ANAPC10: variants seen among roughly 807,000 people sequenced by gnomAD.
ANAPC10 encodes anaphase-promoting complex subunit 10.
ANAPC10 carries 12 observed loss-of-function variants against 22.0 expected under a neutral mutation model. The observed-to-expected ratio is 0.55, with a 90% CI of 0.35 to 0.88. The LOEUF is 0.88. Among genes scored for constraint, ANAPC10 ranks in the 40% least tolerant of loss-of-function variants. The pLI is 0.01. For synonymous variants in ANAPC10, 65 were observed against 69.5 expected, an observed-to-expected ratio of 0.94 and a Z score of 0.32; for missense variants, 188 against 220.9, an observed-to-expected ratio of 0.85 and a Z score of 0.94.
intron 2 of ANAPC10, among the ~76,000 whole-genome samples, chr4:145,085,231 T>A (rs1032386329): frequency 6.6e-6 from 1 of 152,112 alleles, no homozygotes; most frequent in East Asian, 1.9e-4. Flanking sequence ...CACTCTAGCC[T>A]GGGCAACAGT....
At chr4:145,071,997 GACAAAAAAAAC>G (rs1185566041) in intron 3 of ANAPC10, among the ~76,000 whole-genome samples, 2 of 149,350 alleles carry the variant, frequency 1.3e-5, no homozygotes, top group African/African-American at 2.5e-5. Context: ...AATGTGAAAG[GACAAAAAAAAC>G]ACAAAAAAAA....
At chr4:145,032,335 A>C (rs939413968) in intron 4 of ANAPC10, among the ~76,000 whole-genome samples, 5 of 152,228 alleles carry the variant, frequency 3.3e-5, no homozygotes, top group African/African-American at 1.2e-4. Flanking sequence ...GTACAATTAT[A>C]CACTGATTCA....
intron 4 of ANAPC10, among the ~76,000 whole-genome samples, chr4:145,006,464 T>C (rs1306429584): frequency 6.6e-6 from 1 of 152,036 alleles, no homozygotes; most frequent in Non-Finnish European, 1.5e-5. Context: ...AATAAAAGAA[T>C]GTAGGGCAGT....
intron 4 of ANAPC10, among the ~76,000 whole-genome samples, chr4:145,049,211 A>G (rs1740743744): frequency 6.6e-6 from 1 of 152,236 alleles, no homozygotes; most frequent in Non-Finnish European, 1.5e-5. Flanking sequence ...TCTCACCTTA[A>G]TGATGACGGC....
chr4:145,088,852 A>G (rs1747267226), intron 2 of ANAPC10, among the ~76,000 whole-genome samples: 1 of 152,162 alleles, frequency 6.6e-6, no homozygotes, highest in African/African-American at 2.4e-5. Context: ...AATCTGTCCC[A>G]CCATGTCTAA....
intron 4 of ANAPC10, among the ~76,000 whole-genome samples, chr4:145,025,002 C>A (rs1263329010): frequency 1.3e-5 from 2 of 152,318 alleles, no homozygotes; most frequent in African/African-American, 4.8e-5. Context: ...TGCTGCTTCA[C>A]TGGGCTCTTT....
intron 4 of ANAPC10, among the ~76,000 whole-genome samples, chr4:145,052,884 T>C (rs1162287167): frequency 7.6e-6 from 1 of 131,870 alleles, no homozygotes; most frequent in Non-Finnish European, 1.7e-5. Flanking sequence ...CGAGACTCTG[T>C]CTCAAAAAAA....
chr4:145,008,539 A>C (rs1733783475), intron 4 of ANAPC10, among the ~76,000 whole-genome samples: 1 of 152,208 alleles, frequency 6.6e-6, no homozygotes, highest in Admixed American at 6.5e-5. Context: ...AACATATGCA[A>C]ATCAATAAAC....
chr4:145,007,074 C>T (rs978855472), intron 4 of ANAPC10, among the ~76,000 whole-genome samples: 2 of 152,130 alleles, frequency 1.3e-5, no homozygotes, highest in Non-Finnish European at 2.9e-5. Context: ...AGCTCCAGTG[C>T]ACAGGTCACA....
intron 4 of ANAPC10, among the ~76,000 whole-genome samples, chr4:145,007,419 C>A (rs912691765): frequency 6.6e-6 from 1 of 151,882 alleles, no homozygotes; most frequent in Non-Finnish European, 1.5e-5. Flanking sequence ...TGTAAAAGAA[C>A]AGAAATCACA....
rs1041828058 is a variant in ANAPC10 at position 144,995,202 on chromosome 4, A to C, written c.*171T>G. On this transcript the variant is annotated 3_prime_UTR_variant, in exon 5 of 5. Transcript: ENST00000507656. ...TGTGAGCTTTATTACATGTTAAAGA[A>C]AATAAAGATAATATGACCCCAAATT... 2.3e-6 allele frequency: 1 copy of C among 426,260 alleles called. No homozygotes were observed. The highest frequency in any genetic ancestry group is 2.0e-5 in the African/African-American group (1 of 49,126). 26.4% of individuals were successfully genotyped at this position (426,260 alleles called of 1,614,324 possible).
intron 4 of ANAPC10, among the ~76,000 whole-genome samples, chr4:145,005,168 AGTCTCCTGT>A (rs1210047774): frequency 6.6e-6 from 1 of 152,062 alleles, no homozygotes; most frequent in Non-Finnish European, 1.5e-5. Context: ...CTCCTACCTC[AGTCTCCTGT>A]GTAGCTGGGA....
chr4:145,016,376 T>A (rs993048699), intron 4 of ANAPC10, among the ~76,000 whole-genome samples: 4 of 152,002 alleles, frequency 2.6e-5, no homozygotes, highest in African/African-American at 9.7e-5. Flanking sequence ...CACAATTGCC[T>A]CAAAGACAAT....
intron 4 of ANAPC10, among the ~76,000 whole-genome samples, chr4:145,056,660 G>A (rs956215850): frequency 2.0e-5 from 3 of 152,148 alleles, no homozygotes; most frequent in African/African-American, 7.2e-5. Context: ...TGGGTAAGTG[G>A]TGGGGTCCTG....
chr4:145,043,460 A>T (rs1012480902), intron 4 of ANAPC10, among the ~76,000 whole-genome samples: 1 of 152,102 alleles, frequency 6.6e-6, no homozygotes, highest in African/African-American at 2.4e-5. Flanking sequence ...ACTAACCCTG[A>T]CAAGTGTGGA....
chr4:145,042,548 T>C (rs915650489), intron 4 of ANAPC10, among the ~76,000 whole-genome samples: 6 of 152,338 alleles, frequency 3.9e-5, no homozygotes, highest in East Asian at 1.9e-4. Context: ...CATTATTTTA[T>C]AGTATATAAA....
intron 3 of ANAPC10, among the ~76,000 whole-genome samples, chr4:145,071,161 CTT>C (rs1379759219): frequency 6.6e-6 from 1 of 152,184 alleles, no homozygotes; most frequent in Non-Finnish European, 1.5e-5. Context: ...AATCCCAACA[CTT>C]TGGGAGGCTG....
chr4:145,072,268 G>C (rs1744597492), intron 3 of ANAPC10, among the ~76,000 whole-genome samples: 1 of 152,120 alleles, frequency 6.6e-6, no homozygotes, highest in Non-Finnish European at 1.5e-5. Flanking sequence ...GAAAGAGCTT[G>C]TTCTAATTTT....
chr4:145,037,036 G>A (rs1365130269), intron 4 of ANAPC10, among the ~76,000 whole-genome samples: 3 of 123,312 alleles, frequency 2.4e-5, no homozygotes, highest in Admixed American at 1.6e-4. Flanking sequence ...GTGTGTGTGT[G>A]TGTATGTGTG....
Sources: gnomAD v4.1 joint callset for allele counts (sites outside exome capture counted in the v4.1 genomes callset) on GRCh38, gnomAD v4.1.1 for gene constraint, MANE v1.5 for transcripts, NCBI Gene and HGNC (gene_info 2026-07-23, HGNC 2026-07-21) for gene names.